NCS1: variants seen among roughly 807,000 people sequenced by gnomAD.
NCS1 encodes the protein neuronal calcium sensor 1.
In NCS1, 6 loss-of-function variants were observed where a neutral mutation model predicts 28.4. The ratio of observed to expected loss-of-function variants is 0.21; its 90% CI spans 0.12 to 0.42. The LOEUF is 0.42. Among genes scored for constraint, NCS1 ranks in the 10% least tolerant of loss-of-function variants. The pLI is 1.00. For synonymous variants in NCS1, 86 were observed against 99.3 expected (o/e 0.87, Z 0.79); for missense variants, 131 against 241.4 (o/e 0.54, Z 3.03).
intron 2 of NCS1, among the ~76,000 whole-genome samples, chr9:130,213,092 C>T (rs1217263607): frequency 2.0e-5 from 3 of 152,136 alleles, no homozygotes; most frequent in Non-Finnish European, 4.4e-5. Context: ...TGCGCTTACA[C>T]GGGGGCGGTG....
At chr9:130,208,809 G>A (rs1554908397) in intron 2 of NCS1, among the ~76,000 whole-genome samples, 1 of 152,146 alleles carries the variant, frequency 6.6e-6, no homozygotes, top group Non-Finnish European at 1.5e-5. Flanking sequence ...ACGAGGAGCG[G>A]CCCCATTTTA....
intron 2 of NCS1, among the ~76,000 whole-genome samples, chr9:130,216,394 T>A (rs1588122257): frequency 6.6e-6 from 1 of 152,128 alleles, no homozygotes; most frequent in East Asian, 1.9e-4. Flanking sequence ...TGTCTTCCTC[T>A]CTCTGAGCCT....
chr9:130,185,572 C>T (rs1327248147), intron 1 of NCS1, among the ~76,000 whole-genome samples: 3 of 152,218 alleles, frequency 2.0e-5, no homozygotes, highest in Non-Finnish European at 4.4e-5. Flanking sequence ...GGGGTCCAAG[C>T]CGCCAGCCAG....
intron 7 of NCS1, among the ~76,000 whole-genome samples, chr9:130,229,139 T>G (rs1833463487): frequency 6.6e-6 from 1 of 152,190 alleles, no homozygotes. Context: ...AGTGAACATT[T>G]TAGTGTCCAG....
rs995269887 is a variant in NCS1, at chr9:130,236,214, G to C, written c.*3242G>C. ...CTGGGATCCCTTCCTGGAGAGGCAG[G>C]CTGTCTCTGGAAAAAGCCTCCATTG... On this transcript the variant is annotated 3_prime_UTR_variant, in exon 8 of 8. Coordinates refer to ENST00000372398, the MANE Select transcript of NCS1 (RefSeq NM_014286.4). The C allele has an allele frequency of 1.3e-5, 2 of 152,210 alleles. No individual in the cohort carries two copies. Among genetic ancestry groups the C allele is most frequent in the Admixed American group, 6.5e-5 (1 of 15,282 alleles). The allele number at this position is 152,210 out of a possible 1,614,324, so 9.4% of individuals were successfully genotyped here.
At chr9:130,193,329 A>T (rs1379091736) in intron 1 of NCS1, among the ~76,000 whole-genome samples, 1 of 151,970 alleles carries the variant, frequency 6.6e-6, no homozygotes, top group African/African-American at 2.4e-5. Context: ...ATGTGACCAC[A>T]TTAGGGATGC....
In NCS1 at chr9:130,215,955, C is replaced by A. The variant is rs1169920136; in HGVS notation, c.90-1877C>A. On this transcript the variant is annotated intron_variant, in intron 2 of 7. Coordinates refer to ENST00000372398, the MANE Select transcript of NCS1 (RefSeq NM_014286.4). The surrounding 1 kb of genome is among the most constrained non-coding windows in gnomAD (Gnocchi z 4.2). Reference sequence around the variant, plus strand: ...TGCCCTCCCCCATCCTCCTCCTCCCCTCAACCGCCCTCACTCCGGCAGCAG... The same window carrying A: ...TGCCCTCCCCCATCCTCCTCCTCCCATCAACCGCCCTCACTCCGGCAGCAG... Among the ~76,000 whole-genome samples, 1 of 152,152 alleles carries A rather than the reference C, an allele frequency of 6.6e-6. No individual in the cohort carries two copies. The highest frequency in any genetic ancestry group is 2.4e-5 in the African/African-American group (1 of 41,432).
intron 7 of NCS1, among the ~76,000 whole-genome samples, chr9:130,227,034 A>AC (rs1277393367): frequency 1.8e-4 from 27 of 148,784 alleles, no homozygotes; most frequent in East Asian, 5.9e-4. Flanking sequence ...AAAAAAAAAA[A>AC]AAAAAGAAAA....
intron 1 of NCS1, among the ~76,000 whole-genome samples, chr9:130,187,759 G>A (rs1361263478): frequency 2.0e-5 from 3 of 152,142 alleles, no homozygotes. Flanking sequence ...TTCACCTCTC[G>A]CCTCTGTTGC....
In NCS1 at chr9:130,226,264, T is replaced by G. The variant is rs782083810; in HGVS notation, c.475-125T>G. ...TCTGGTGCTGGCTGCTTGTAGGCCCTGAGCCACGTTGCCTCCCTCCTGATC... is the reference window on the plus strand; with the variant it reads ...TCTGGTGCTGGCTGCTTGTAGGCCCGGAGCCACGTTGCCTCCCTCCTGATC... On this transcript the variant is annotated intron_variant, in intron 6 of 7. Transcript: ENST00000372398. The surrounding 1 kb of genome is among the most constrained non-coding windows in gnomAD (Gnocchi z 4.8). 1 of 783,530 alleles carries G rather than the reference T, an allele frequency of 1.3e-6. No homozygotes were observed. Among genetic ancestry groups the G allele is most frequent in the Non-Finnish European group, 2.2e-6 (1 of 460,176 alleles). The allele number at this position is 783,530 out of a possible 1,614,324, so 48.5% of individuals were successfully genotyped here.
intron 1 of NCS1, among the ~76,000 whole-genome samples, chr9:130,185,616 CCT>C (rs1832727714): frequency 6.6e-6 from 1 of 152,260 alleles, no homozygotes; most frequent in Non-Finnish European, 1.5e-5. Context: ...CCTGCTCCTG[CCT>C]CTTTGTAGGA....
chr9:130,184,564 G>A (rs782596457), intron 1 of NCS1, among the ~76,000 whole-genome samples: 5 of 152,164 alleles, frequency 3.3e-5, no homozygotes, highest in African/African-American at 4.8e-5. Flanking sequence ...TTTTTGCTAG[G>A]TTGGATGAGG....
At chr9:130,208,527 G>A (rs1173434291) in intron 2 of NCS1, among the ~76,000 whole-genome samples, 1 of 152,048 alleles carries the variant, frequency 6.6e-6, no homozygotes, top group African/African-American at 2.4e-5. Flanking sequence ...TGCCCACCTC[G>A]GCCTCCCAAA....
intron 2 of NCS1, among the ~76,000 whole-genome samples, chr9:130,203,046 ATGTGTG>A (rs113946626): frequency 2.6e-3 from 364 of 142,428 alleles, no homozygotes; most frequent in East Asian, 6.6e-3. Context: ...CAGGGTAAAT[ATGTGTG>A]TGTGTGTGTG....
rs923465663 is a variant in NCS1, at chr9:130,234,680, A to G, written c.*1708A>G. ...CTGTCTGAGTCACAGCACAGCCCCT[A>G]TTGCGTGGCTGCTGGTGTGTGGGGT... On this transcript the variant is annotated 3_prime_UTR_variant, in exon 8 of 8. Coordinates refer to ENST00000372398, the MANE Select transcript of NCS1 (RefSeq NM_014286.4). The surrounding 1 kb of genome is among the most constrained non-coding windows in gnomAD (Gnocchi z 6.1). The G allele has an allele frequency of 3.9e-5, 6 of 152,170 alleles. No individual in the cohort carries two copies. Among genetic ancestry groups the G allele is most frequent in the African/African-American group, 1.4e-4 (6 of 41,396 alleles). The allele number at this position is 152,170 out of a possible 1,614,324, so 9.4% of individuals were successfully genotyped here.
At chr9:130,225,337 A>AGAGGAGTGGT (rs1396433546) in intron 6 of NCS1, among the ~76,000 whole-genome samples, 1 of 152,268 alleles carries the variant, frequency 6.6e-6, no homozygotes, top group Non-Finnish European at 1.5e-5. Flanking sequence ...AGCCCATGTT[A>AGAGGAGTGGT]GAGGAGTGGT....
rs541110194 is a variant in NCS1, at chr9:130,192,244, A to G, written c.65-8714A>G. On this transcript the variant is annotated intron_variant, in intron 1 of 7. Transcript: ENST00000372398. The surrounding 1 kb of genome is among the most constrained non-coding windows in gnomAD (Gnocchi z 4.8). ...TCATGCTGACTGCCTCGTGCCAGGCAGCTCCTGCGTCTGCTGTCACGTTAC... is the reference window on the plus strand; with the variant it reads ...TCATGCTGACTGCCTCGTGCCAGGCGGCTCCTGCGTCTGCTGTCACGTTAC... 6.6e-6 allele frequency among the ~76,000 whole-genome samples: 1 copy of G among 152,260 alleles called. No individual in the cohort carries two copies. Among genetic ancestry groups the G allele is most frequent in the East Asian group, 1.9e-4 (1 of 5,166 alleles).
rs984374476 is a variant in NCS1 at position 130,176,048 on chromosome 9, G to A, written c.64+3321G>A. Among the ~76,000 whole-genome samples, 6 of 152,300 alleles carry A rather than the reference G, an allele frequency of 3.9e-5. 2 individuals are homozygous for A. The highest frequency in any genetic ancestry group is 6.5e-5 in the Admixed American group (1 of 15,298). ...CTCAGAGGATGTGAGAAGTCAACAG[G>A]GTAACTCATGTGCAGTGTGGGGCCT... On this transcript the variant is annotated intron_variant, in intron 1 of 7. Transcript: ENST00000372398.
intron 2 of NCS1, among the ~76,000 whole-genome samples, chr9:130,212,007 G>A (rs1331011651): frequency 1.3e-5 from 2 of 152,156 alleles, no homozygotes; most frequent in Admixed American, 1.3e-4. Context: ...GAGTCAGGCA[G>A]GTGGGGAGGA....
Sources: allele counts gnomAD v4.1 joint callset (sites outside exome capture counted in the v4.1 genomes callset), GRCh38; gene constraint gnomAD v4.1.1; non-coding constraint Gnocchi (gnomAD v3.1); transcripts MANE v1.5; gene names NCBI Gene and HGNC (gene_info 2026-07-23, HGNC 2026-07-21).